The following DCAF1 variants were observed in gnomAD, a reference collection of about 807,000 sequenced individuals.
The protein encoded by DCAF1 is DDB1- and CUL4-associated factor 1.
DCAF1 carries 15 observed loss-of-function variants against 128.0 expected under a neutral mutation model. That is an observed-to-expected ratio of 0.12 (90% confidence interval 0.08 to 0.18). DCAF1 has a LOEUF of 0.18. Among genes scored for constraint, DCAF1 ranks in the 10% least tolerant of loss-of-function variants. DCAF1 has a pLI of 1.00. For synonymous variants in DCAF1, 610 were observed against 603.0 expected, an observed-to-expected ratio of 1.01 and a Z score of -0.17; for missense variants, 988 against 1,649.5, an observed-to-expected ratio of 0.60 and a Z score of 6.95.
At chr3:51,440,912 A>C in intron 9 of DCAF1, 58 bp downstream of exon 9, 1 of 1,382,458 alleles carries the variant, frequency 7.2e-7, no homozygotes, top group Non-Finnish European at 9.9e-7. Flanking sequence ...TCTTAAATTT[A>C]AAAAAAAACA....
intron 10 of DCAF1, among the ~76,000 whole-genome samples, chr3:51,432,804 G>A (rs1006341104): frequency 6.6e-6 from 1 of 152,052 alleles, no homozygotes; most frequent in Non-Finnish European, 1.5e-5. Context: ...CTAAGACATC[G>A]GAAAAGTGCC....
chr3:51,423,826 AAAAAAAAAAAG>A (rs1699653904), intron 13 of DCAF1, among the ~76,000 whole-genome samples: 1 of 151,770 alleles, frequency 6.6e-6, no homozygotes, highest in Non-Finnish European at 1.5e-5. Context: ...TTTCAAAAAA[AAAAAAAAAAAG>A]AAAGAAAGAA....
intron 9 of DCAF1, 47 bp downstream of exon 9, chr3:51,440,921 CAA>C (rs1701303582): frequency 1.4e-6 from 2 of 1,447,074 alleles, no homozygotes; most frequent in Non-Finnish European, 1.9e-6. Flanking sequence ...TAAAAAAAAA[CAA>C]AGTTTTTAAA....
intron 6 of DCAF1, among the ~76,000 whole-genome samples, chr3:51,458,810 G>A (rs1703212889): frequency 6.6e-6 from 1 of 152,206 alleles, no homozygotes; most frequent in Non-Finnish European, 1.5e-5. Flanking sequence ...GCTCCTGAAT[G>A]ACTACTAGGT....
chr3:51,466,554 G>A (rs1415079616), intron 5 of DCAF1, among the ~76,000 whole-genome samples: 1 of 151,992 alleles, frequency 6.6e-6, no homozygotes, highest in Non-Finnish European at 1.5e-5. Context: ...AAAAACTGAA[G>A]AGGGCCCCTA....
chr3:51,417,728 T>G (rs1270784968), intron 17 of DCAF1, among the ~76,000 whole-genome samples: 3 of 45,856 alleles, frequency 6.5e-5, no homozygotes, highest in African/African-American at 1.8e-4. Flanking sequence ...TCACAAAAAA[T>G]AAAAAAAAGA....
chr3:51,471,055 G>T, intron 3 of DCAF1, 50 bp from the exon 4 acceptor site: 1 of 1,252,226 alleles, frequency 8.0e-7, no homozygotes, highest in South Asian at 1.3e-5. Context: ...TAAAAAAATG[G>T]ACCACCACTA....
chr3:51,469,661 GT>G (rs1460824145), intron 4 of DCAF1, among the ~76,000 whole-genome samples: 1 of 152,126 alleles, frequency 6.6e-6, no homozygotes, highest in Non-Finnish European at 1.5e-5. Flanking sequence ...GCAGTCTCAA[GT>G]CCCTCATAAT....
chr3:51,423,022 T>A (rs1699554264), intron 13 of DCAF1, among the ~76,000 whole-genome samples: 1 of 151,982 alleles, frequency 6.6e-6, no homozygotes, highest in African/African-American at 2.4e-5. Flanking sequence ...GAGCCGTGAT[T>A]ACACCACTGC....
intron 6 of DCAF1, among the ~76,000 whole-genome samples, chr3:51,454,310 A>G (rs1442438313): frequency 6.6e-6 from 1 of 152,100 alleles, no homozygotes; most frequent in Non-Finnish European, 1.5e-5. Context: ...TAGCCTCACA[A>G]ACTCCTGGGA....
chr3:51,421,950 T>C (rs1429595223), intron 14 of DCAF1, among the ~76,000 whole-genome samples: 2 of 152,086 alleles, frequency 1.3e-5, no homozygotes, highest in Non-Finnish European at 2.9e-5. Context: ...AACCCATTTT[T>C]CCCATGAACT....
intron 2 of DCAF1, among the ~76,000 whole-genome samples, chr3:51,485,851 C>T (rs1389065482): frequency 2.0e-5 from 3 of 152,044 alleles, no homozygotes; most frequent in African/African-American, 7.2e-5. Context: ...ACCTGCCCTA[C>T]CCCAAAAATT....
chr3:51,448,496 A>G (rs1553640775), intron 6 of DCAF1, among the ~76,000 whole-genome samples: 1 of 152,202 alleles, frequency 6.6e-6, no homozygotes, highest in East Asian at 1.9e-4. Flanking sequence ...AACTGAGACT[A>G]TAAGCATGCA....
At chr3:51,498,515 A>G (rs1577350013) in intron 1 of DCAF1, among the ~76,000 whole-genome samples, 1 of 151,940 alleles carries the variant, frequency 6.6e-6, no homozygotes, top group East Asian at 1.9e-4. Context: ...ACCAGGGAGG[A>G]TCACTTGAGT....
At chr3:51,439,534 C>T (rs554607552) in intron 9 of DCAF1, among the ~76,000 whole-genome samples, 6 of 151,174 alleles carry the variant, frequency 4.0e-5, no homozygotes, top group Non-Finnish European at 7.4e-5. Flanking sequence ...GTCCACCTCC[C>T]GAGTTCAAGC....
intron 3 of DCAF1, among the ~76,000 whole-genome samples, chr3:51,480,125 A>AT (rs797028810): frequency 0.066 from 9,820 of 147,926 alleles, 791 homozygotes; most frequent in East Asian, 0.31. Context: ...AAAAAAAAAA[A>AT]TTTTTTTTAA....
intron 9 of DCAF1, among the ~76,000 whole-genome samples, chr3:51,436,882 GA>G (rs1559508812): frequency 6.6e-6 from 1 of 152,130 alleles, no homozygotes; most frequent in African/African-American, 2.4e-5. Context: ...GCAATAAGAT[GA>G]AACTTTGTGC....
intron 23 of DCAF1, among the ~76,000 whole-genome samples, chr3:51,411,163 G>GAA (rs1268364026): frequency 6.5e-4 from 38 of 58,760 alleles, no homozygotes; most frequent in Middle Eastern, 0.011. Context: ...CTCCATCTCA[G>GAA]AAAAAAAAAA....
At chr3:51,448,027 T>C (rs1429625672) in intron 6 of DCAF1, among the ~76,000 whole-genome samples, 1 of 152,224 alleles carries the variant, frequency 6.6e-6, no homozygotes, top group African/African-American at 2.4e-5. Context: ...ACTGCCGCTG[T>C]GGCAAAGTTT....
Sources: allele counts gnomAD v4.1 joint callset (sites outside exome capture counted in the v4.1 genomes callset), GRCh38; gene constraint gnomAD v4.1.1; transcripts MANE v1.5; gene names NCBI Gene and HGNC (gene_info 2026-07-23, HGNC 2026-07-21).